Variants in ANKS1B observed in about 807,000 individuals in gnomAD.
ANKS1B encodes ankyrin repeat and sterile alpha motif domain containing 1B.
In ANKS1B, 36 loss-of-function variants were observed where a neutral mutation model predicts 148.3. The ratio of observed to expected loss-of-function variants is 0.24; its 90% CI spans 0.19 to 0.32. The LOEUF is 0.32. Ranked by LOEUF, ANKS1B falls within the 10% of genes least tolerant of loss-of-function variation. ANKS1B has a pLI of 1.00. For synonymous variants in ANKS1B, 542 were observed against 560.8 expected (o/e 0.97, Z 0.47); for missense variants, 1,157 against 1,542.6 (o/e 0.75, Z 4.19).
At chr12:98,970,186 C>T (rs531939563) in intron 17 of ANKS1B, among the ~76,000 whole-genome samples, 10 of 152,198 alleles carry the variant, frequency 6.6e-5, no homozygotes, top group Admixed American at 1.3e-4. Context: ...CAAGTTCCAT[C>T]ATTTTTTCTT....
At chr12:99,770,638 C>T (rs2063106094) in intron 8 of ANKS1B, among the ~76,000 whole-genome samples, 1 of 152,000 alleles carries the variant, frequency 6.6e-6, no homozygotes. Flanking sequence ...CCAATGATGT[C>T]TTTTATCTGC....
In ANKS1B at chr12:99,242,417, T is replaced by C. The variant is rs1357712339; in HGVS notation, c.2419+1925A>G. 2.6e-5 allele frequency among the ~76,000 whole-genome samples: 4 copies of C among 152,246 alleles called. No homozygotes were observed. The East Asian group carries it at 7.7e-4, about 29-fold the overall frequency. On this transcript the variant is annotated intron_variant, in intron 14 of 26. Transcript: ENST00000683438. The stretch of plus-strand genomic sequence containing the variant: ...GAGGACACAAACAAATGGAAGAACA[T>C]TCCATGCTCATGGATAAGAAGAATC...
At chr12:99,800,455 A>C (rs1169864160) in intron 4 of ANKS1B, among the ~76,000 whole-genome samples, 1 of 152,008 alleles carries the variant, frequency 6.6e-6, no homozygotes, top group Non-Finnish European at 1.5e-5. Context: ...AAAAAAAAAA[A>C]AAAAAACGGA....
chr12:98,743,671 G>C (rs1451070239), downstream of ANKS1B, among the ~76,000 whole-genome samples: 1 of 152,226 alleles, frequency 6.6e-6, no homozygotes, highest in Non-Finnish European at 1.5e-5. Flanking sequence ...CATCGAGGCT[G>C]TGCTACAAAA....
At chr12:99,522,686 A>G (rs1322447828) in intron 9 of ANKS1B, among the ~76,000 whole-genome samples, 1 of 152,200 alleles carries the variant, frequency 6.6e-6, no homozygotes, top group Non-Finnish European at 1.5e-5. Context: ...CTATGAAAAA[A>G]ATATTAGGAG....
At chr12:99,957,868 A>G (rs2095347154) in intron 1 of ANKS1B, among the ~76,000 whole-genome samples, 1 of 152,202 alleles carries the variant, frequency 6.6e-6, no homozygotes, top group African/African-American at 2.4e-5. Context: ...TCAACTAATC[A>G]TCTCCTGAAT....
intron 9 of ANKS1B, among the ~76,000 whole-genome samples, chr12:99,567,310 T>C (rs1263779943): frequency 6.6e-6 from 1 of 152,122 alleles, no homozygotes; most frequent in Admixed American, 6.5e-5. Flanking sequence ...GTCAAGCCCA[T>C]CCAGTAAAAT....
chr12:98,927,768 A>G (rs529287308), intron 17 of ANKS1B, among the ~76,000 whole-genome samples: 2 of 151,988 alleles, frequency 1.3e-5, no homozygotes, highest in African/African-American at 4.8e-5. Context: ...CTAAGAAAAT[A>G]AAGATATAGT....
chr12:98,816,359 G>A (rs151225549), intron 19 of ANKS1B, among the ~76,000 whole-genome samples: 59 of 152,276 alleles, frequency 3.9e-4, no homozygotes, highest in South Asian at 1.7e-3. Context: ...GCAATGGCAC[G>A]ATCTTGGCTC....
At chr12:99,158,057 G>A (rs914483667) in intron 14 of ANKS1B, among the ~76,000 whole-genome samples, 13 of 152,042 alleles carry the variant, frequency 8.6e-5, no homozygotes, top group African/African-American at 3.1e-4. Flanking sequence ...ATGGGGTGAG[G>A]AAGGTATAAA....
chr12:98,753,375 T>C (rs1225763477), intron 25 of ANKS1B, among the ~76,000 whole-genome samples: 1 of 152,160 alleles, frequency 6.6e-6, no homozygotes, highest in Non-Finnish European at 1.5e-5. Flanking sequence ...ACAGAGAGTG[T>C]TCTGAAGGTC....
At chr12:98,747,239 A>T (rs73149019) in intron 26 of ANKS1B, among the ~76,000 whole-genome samples, 15,124 of 152,174 alleles carry the variant, frequency 0.099, 850 homozygotes, top group Middle Eastern at 0.19. Context: ...AAAAATAAAA[A>T]ACAAAAACAA....
At chr12:99,262,146 A>G (rs916937392) in intron 12 of ANKS1B, among the ~76,000 whole-genome samples, 2 of 152,140 alleles carry the variant, frequency 1.3e-5, no homozygotes, top group African/African-American at 4.8e-5. Flanking sequence ...AATTTTTTCA[A>G]TAAGGCCTCC....
chr12:98,851,973 A>G lies in ANKS1B; in HGVS notation c.2779-19837T>C, dbSNP rs111911747. Among the ~76,000 whole-genome samples, 625 of 135,444 alleles carry G rather than the reference A, an allele frequency of 4.6e-3. 4 individuals are homozygous for G. The highest frequency in any genetic ancestry group is 0.016 in the African/African-American group (593 of 37,480). The allele number at this position is 135,444 out of a possible 152,430, so 88.9% of individuals were successfully genotyped here. A position where few individuals can be genotyped will look rare whatever the true frequency, so the allele number is the denominator to read the frequency against. ...CAGGAGGTGGAGGTTGCAGTGAGCC[A>G]AGATTGTGCCATTGCACTCCAGCCT... On this transcript the variant is annotated intron_variant, in intron 17 of 26. Coordinates refer to ENST00000683438, the MANE Select transcript of ANKS1B (RefSeq NM_001352186.2).
intron 15 of ANKS1B, among the ~76,000 whole-genome samples, chr12:99,087,610 A>G (rs2052372638): frequency 6.6e-6 from 1 of 152,188 alleles, no homozygotes; most frequent in Non-Finnish European, 1.5e-5. Context: ...CATGAGCGAG[A>G]TATGTGATAC....
At chr12:98,747,607 T>C (rs2097924206) in intron 26 of ANKS1B, among the ~76,000 whole-genome samples, 1 of 152,218 alleles carries the variant, frequency 6.6e-6, no homozygotes, top group Non-Finnish European at 1.5e-5. Flanking sequence ...CTACTGCGTA[T>C]ATATACAAAA....
chr12:98,908,826 A>G (rs1163814800), intron 17 of ANKS1B, among the ~76,000 whole-genome samples: 2 of 152,210 alleles, frequency 1.3e-5, no homozygotes, highest in African/African-American at 4.8e-5. Flanking sequence ...GAGTGACAGT[A>G]TGTCCTTTAG....
chr12:98,899,739 C>A (rs1284289509), intron 17 of ANKS1B, among the ~76,000 whole-genome samples: 1 of 152,158 alleles, frequency 6.6e-6, no homozygotes, highest in African/African-American at 2.4e-5. Context: ...TCTGACTGAA[C>A]CCCAACTAAC....
intron 19 of ANKS1B, among the ~76,000 whole-genome samples, chr12:98,826,689 T>C (rs1363111588): frequency 3.3e-5 from 5 of 152,152 alleles, no homozygotes; most frequent in Non-Finnish European, 7.4e-5. Flanking sequence ...TGCATTTTAG[T>C]GGGAAATGGA....
Sources: allele counts gnomAD v4.1 joint callset (sites outside exome capture counted in the v4.1 genomes callset), GRCh38; gene constraint gnomAD v4.1.1; transcripts MANE v1.5; gene names NCBI Gene and HGNC (gene_info 2026-07-23, HGNC 2026-07-21).